Variants in IGFL4 observed in about 807,000 individuals in gnomAD.
IGFL4 encodes insulin growth factor-like family member 4.
IGFL4 carries 12 observed loss-of-function variants against 15.4 expected under a neutral mutation model. The observed-to-expected ratio is 0.78, with a 90% CI of 0.50 to 1.26. The LOEUF is 1.26. Among genes scored for constraint, IGFL4 ranks in the 50% most tolerant of loss-of-function variants. The pLI, the probability that IGFL4 is intolerant of heterozygous loss-of-function variation, is 0.00. For synonymous variants in IGFL4, 54 were observed against 55.9 expected (o/e 0.97, Z 0.16); for missense variants, 126 against 147.8 (o/e 0.85, Z 0.76).
At chr19:46,061,032 T>A (rs1257003719) in intron 1 of IGFL4, among the ~76,000 whole-genome samples, 1 of 152,196 alleles carries the variant, frequency 6.6e-6, no homozygotes, top group African/African-American at 2.4e-5. Flanking sequence ...ATTCCAATGT[T>A]CAATTCATGG....
At chr19:46,043,018 C>T (rs144612100), upstream of IGFL4, among the ~76,000 whole-genome samples, 93 of 152,258 alleles carry the variant, frequency 6.1e-4, 1 homozygote, top group African/African-American at 1.9e-3. Context: ...TGTTTGAGGT[C>T]GCCGGGGCAG....
chr19:46,040,409 T>C lies in IGFL4; in HGVS notation c.78A>G (p.Arg26=). 1 of 1,614,062 alleles carries C rather than the reference T, an allele frequency of 6.2e-7. No homozygotes were observed. The highest frequency in any genetic ancestry group is 8.5e-7 in the Non-Finnish European group (1 of 1,179,946). The stretch of plus-strand genomic sequence containing the variant: ...TGGGCGCTGGCTGGCATAGCCACAG[T>C]CTAAGATCTGGAAGAGTCGGGGCTG... ...GSNSEGVTDL[R]LWLCQPAPRC... The change falls in exon 3 of 4, where the codon AGA becomes AGG. Residue 26 remains arginine (R), a synonymous_variant. Coordinates refer to ENST00000377697, the MANE Select transcript of IGFL4 (RefSeq NM_001002923.3). This position sits in a 1 kb window ranked among gnomAD's most constrained non-coding sequence, Gnocchi z 4.1.
At position 46,075,655 on chromosome 19, in the gene IGFL4, G is replaced by A. The variant is rs190768954; in HGVS notation, c.-432+1365C>T. On this transcript the variant is annotated intron_variant, in intron 1 of 5. Transcript: ENST00000601672. ...ATTTATCATTGATGATTATGACACC[G>A]ATTACCTGGCTGATGTGGTATTTTT... Among the ~76,000 whole-genome samples, 161 of 152,230 alleles carry A rather than the reference G, an allele frequency of 1.1e-3. 2 individuals are homozygous for A. Among genetic ancestry groups the A allele is most frequent in the African/African-American group, 3.4e-3 (142 of 41,520 alleles).
At chr19:46,074,274 GATATATATATACAT>G (rs1555816176) in intron 1 of IGFL4, among the ~76,000 whole-genome samples, 2 of 150,160 alleles carry the variant, frequency 1.3e-5, no homozygotes, top group Non-Finnish European at 3.0e-5. Context: ...ACGAGCAGGA[GATATATATATACAT>G]ATATATATAT....
At chr19:46,059,346 C>G (rs1399643409) in intron 2 of IGFL4, 1 of 152,144 alleles carries the variant, frequency 6.6e-6, no homozygotes, top group Non-Finnish European at 1.5e-5. Context: ...GGATGAAGAT[C>G]CATATTCTGT....
chr19:46,069,294 C>T (rs1026600642), intron 1 of IGFL4, among the ~76,000 whole-genome samples: 1 of 152,200 alleles, frequency 6.6e-6, no homozygotes, highest in African/African-American at 2.4e-5. Flanking sequence ...TTCCTACCCT[C>T]TGTATTCTTC....
intron 2 of IGFL4, among the ~76,000 whole-genome samples, chr19:46,051,612 G>A (rs1257447636): frequency 6.6e-6 from 1 of 152,064 alleles, no homozygotes; most frequent in Non-Finnish European, 1.5e-5. Context: ...GTATTGAGAT[G>A]TGAGAATAGT....
chr19:46,052,385 C>T (rs1268471096), intron 2 of IGFL4, among the ~76,000 whole-genome samples: 3 of 152,198 alleles, frequency 2.0e-5, no homozygotes, highest in Non-Finnish European at 2.9e-5. Context: ...TAACCTGCTC[C>T]TGAGTGATCA....
At chr19:46,048,119 CA>C (rs1277924218) in intron 2 of IGFL4, among the ~76,000 whole-genome samples, 1 of 152,144 alleles carries the variant, frequency 6.6e-6, no homozygotes, top group Non-Finnish European at 1.5e-5. Context: ...TCAACATACG[CA>C]AAGCAACAAA....
intron 1 of IGFL4, among the ~76,000 whole-genome samples, chr19:46,064,390 G>T (rs1018404641): frequency 4.6e-5 from 7 of 151,814 alleles, no homozygotes; most frequent in Non-Finnish European, 5.9e-5. Context: ...TCAAATACTA[G>T]ATCTTATTCA....
chr19:46,044,510 G>C (rs761265625), upstream of IGFL4, among the ~76,000 whole-genome samples: 3 of 151,986 alleles, frequency 2.0e-5, no homozygotes, highest in Non-Finnish European at 2.9e-5. Context: ...CTGGGGTGGG[G>C]GTGTCGTGGG....
At chr19:46,074,493 G>T (rs1166230716) in intron 1 of IGFL4, among the ~76,000 whole-genome samples, 4 of 151,752 alleles carry the variant, frequency 2.6e-5, no homozygotes, top group Non-Finnish European at 4.4e-5. Flanking sequence ...GGATCACAAG[G>T]TCCCACAATA....
At chr19:46,065,144 A>AT (rs1225491527) in intron 1 of IGFL4, among the ~76,000 whole-genome samples, 2 of 151,800 alleles carry the variant, frequency 1.3e-5, no homozygotes, top group Non-Finnish European at 1.5e-5. Flanking sequence ...AGATTATTAT[A>AT]TTTTTTTCCT....
intron 2 of IGFL4, among the ~76,000 whole-genome samples, chr19:46,056,056 C>A (rs574158797): frequency 6.6e-6 from 1 of 152,256 alleles, no homozygotes; most frequent in Non-Finnish European, 1.5e-5. Context: ...GCATTACAGG[C>A]GTGAGCCACC....
At chr19:46,041,837 C>CTCTCT (rs1170247037), upstream of IGFL4, among the ~76,000 whole-genome samples, 1 of 109,870 alleles carries the variant, frequency 9.1e-6, no homozygotes, top group African/African-American at 3.4e-5. Context: ...TCCTCTCTCT[C>CTCTCT]TTTTTTTTTT....
chr19:46,047,734 T>C (rs1175267968), intron 2 of IGFL4, among the ~76,000 whole-genome samples: 10 of 151,958 alleles, frequency 6.6e-5, no homozygotes, highest in Non-Finnish European at 8.8e-5. Flanking sequence ...AGAAACTGAA[T>C]CCCTGAATAG....
At chr19:46,052,340 A>T (rs2146516732) in intron 2 of IGFL4, among the ~76,000 whole-genome samples, 1 of 152,330 alleles carries the variant, frequency 6.6e-6, no homozygotes. Context: ...CTCCAAAAGG[A>T]ACCTTCAAAA....
intron 2 of IGFL4, among the ~76,000 whole-genome samples, chr19:46,047,585 G>A (rs1568711386): frequency 6.6e-6 from 1 of 151,978 alleles, no homozygotes. Context: ...AATGACAAGG[G>A]AGATATTACC....
At chr19:46,041,002 GA>G (rs569811182), upstream of IGFL4, 3 of 1,557,034 alleles carry the variant, frequency 1.9e-6, no homozygotes, top group Non-Finnish European at 2.6e-6. Flanking sequence ...AGCAGCAGTG[GA>G]AATGGGTCAG....
Sources: gnomAD v4.1 joint callset for allele counts (sites outside exome capture counted in the v4.1 genomes callset) on GRCh38, gnomAD v4.1.1 for gene constraint, Gnocchi (gnomAD v3.1) non-coding constraint, MANE v1.5 for transcripts, NCBI Gene and HGNC (gene_info 2026-07-23, HGNC 2026-07-21) for gene names.